The following MS4A3 variants were observed in gnomAD, a reference collection of about 807,000 sequenced individuals.
The protein encoded by MS4A3 is membrane spanning 4-domains A3.
A neutral mutation model predicts 24.7 loss-of-function variants in MS4A3; 18 were observed. The observed-to-expected ratio is 0.73, with a 90% confidence interval of 0.50 to 1.08. MS4A3 has a LOEUF of 1.08. Ranked by LOEUF, MS4A3 falls within the 50% of genes least tolerant of loss-of-function variation. The pLI, the probability that MS4A3 is intolerant of heterozygous loss-of-function variation, is 0.00. For synonymous variants in MS4A3, 84 were observed against 95.3 expected (o/e 0.88, Z 0.69); for missense variants, 282 against 251.7 (o/e 1.12, Z -0.82).
chr11:60,061,591 G>A (rs773932996), intron 2 of MS4A3: 32 of 446,872 alleles, frequency 7.2e-5, no homozygotes, highest in Middle Eastern at 3.7e-4. Flanking sequence ...TTTCCTTAAC[G>A]TTTTTAGTTT....
chr11:60,067,360 G>A (rs537417844), intron 5 of MS4A3, among the ~76,000 whole-genome samples: 29 of 151,928 alleles, frequency 1.9e-4, no homozygotes, highest in African/African-American at 7.0e-4. Flanking sequence ...ACTACAGGCG[G>A]CCACCACCAT....
chr11:60,066,929 G>GA (rs774894742), intron 4 of MS4A3, 22 bp from the exon 5 acceptor site: 39 of 1,556,002 alleles, frequency 2.5e-5, no homozygotes, highest in Non-Finnish European at 3.2e-5. Context: ...TATATTAATT[G>GA]AAAATTCTTA....
chr11:60,064,188 T>A (rs1305167500), intron 3 of MS4A3, 74 bp from the exon 4 acceptor site: 2 of 1,126,804 alleles, frequency 1.8e-6, no homozygotes, highest in Non-Finnish European at 1.3e-6. Flanking sequence ...TATCTGCTAA[T>A]TGAGGGAGGA....
intron 4 of MS4A3, among the ~76,000 whole-genome samples, chr11:60,064,603 G>A (rs1855330221): frequency 6.6e-6 from 1 of 152,102 alleles, no homozygotes; most frequent in East Asian, 1.9e-4. Flanking sequence ...TTATTTGGAA[G>A]TAAGAACTCC....
At chr11:60,067,637 GT>G (rs1855387391) in intron 5 of MS4A3, among the ~76,000 whole-genome samples, 1 of 152,178 alleles carries the variant, frequency 6.6e-6, no homozygotes, top group Admixed American at 6.5e-5. Context: ...TAGGATTTAT[GT>G]GAGTATTTAA....
chr11:60,070,569 T>G lies in MS4A3; in HGVS notation c.*336T>G, dbSNP rs956358043. 1 of 229,030 alleles carries G rather than the reference T, an allele frequency of 4.4e-6. No homozygotes were observed. The highest frequency in any genetic ancestry group is 8.3e-6 in the Non-Finnish European group (1 of 119,918). The allele number at this position is 229,030 out of a possible 1,614,324, so 14.2% of individuals were successfully genotyped here. A position where few individuals can be genotyped will look rare whatever the true frequency, so the allele number is the denominator to read the frequency against. ...ACCTACTCCATTGCTTTATGAGGTT[T>G]AAGGAAGGAAGGCGGTATAATCCCT... is the stretch of plus-strand genomic sequence containing the variant. On this transcript the variant is annotated 3_prime_UTR_variant, in exon 7 of 7. Coordinates refer to ENST00000278865, the MANE Select transcript of MS4A3 (RefSeq NM_006138.5).
rs1326371869 is a variant in MS4A3, at chr11:60,070,327, C to T, written c.*94C>T. The T allele has an allele frequency of 9.7e-7, 1 of 1,033,662 alleles. No individual in the cohort carries two copies. The highest frequency in any genetic ancestry group is 1.5e-6 in the Non-Finnish European group (1 of 674,812). 64.0% of individuals were successfully genotyped at this position (1,033,662 alleles called of 1,614,324 possible). ...ACCCACAAACTCAGGAGAACATAAG[C>T]CTGCTCGTAAAGCTCAATCCTTCTA... is the stretch of plus-strand genomic sequence containing the variant. On this transcript the variant is annotated 3_prime_UTR_variant, in exon 7 of 7. Transcript: ENST00000278865.
At chr11:60,067,251 C>T (rs375420369) in intron 5 of MS4A3, 139 bp downstream of exon 5, 13 of 728,288 alleles carry the variant, frequency 1.8e-5, no homozygotes, top group Middle Eastern at 4.3e-4. Context: ...CTCGCTCTGT[C>T]GCCCAGGCTG....
At chr11:60,063,320 T>C (rs146011636) in intron 3 of MS4A3, among the ~76,000 whole-genome samples, 7 of 152,318 alleles carry the variant, frequency 4.6e-5, no homozygotes, top group Non-Finnish European at 8.8e-5. Flanking sequence ...ATCATTTCCA[T>C]TATCTGGGTC....
chr11:60,058,594 G>T (rs982111063), intron 1 of MS4A3, among the ~76,000 whole-genome samples: 3 of 141,838 alleles, frequency 2.1e-5, no homozygotes, highest in Admixed American at 7.3e-5. Flanking sequence ...GAGGGGACTT[G>T]TCTTTCAGGA....
intron 2 of MS4A3, 52 bp from the exon 3 acceptor site, chr11:60,062,416 G>A (rs1332735959): frequency 7.5e-6 from 12 of 1,602,294 alleles, no homozygotes; most frequent in Non-Finnish European, 1.0e-5. Context: ...CCTGTTTTCA[G>A]TGTCCACTTT....
intron 1 of MS4A3, among the ~76,000 whole-genome samples, chr11:60,057,416 TGA>T (rs967082554): frequency 1.0e-4 from 13 of 129,542 alleles, no homozygotes; most frequent in East Asian, 7.3e-4. Context: ...TGTGTGTGTG[TGA>T]GAGAGAGACA....
chr11:60,062,208 C>T (rs577717089), intron 2 of MS4A3, among the ~76,000 whole-genome samples: 54 of 152,194 alleles, frequency 3.5e-4, no homozygotes, highest in Non-Finnish European at 2.8e-4. Flanking sequence ...TTTTACTGTC[C>T]TGCCACTTTC....
chr11:60,065,102 G>A (rs924061932), intron 4 of MS4A3, among the ~76,000 whole-genome samples: 2 of 152,116 alleles, frequency 1.3e-5, no homozygotes, highest in Admixed American at 6.5e-5. Flanking sequence ...GCAGTGGTGT[G>A]GTCACAGCTC....
At chr11:60,059,441 G>A (rs957231439) in intron 1 of MS4A3, among the ~76,000 whole-genome samples, 8 of 152,064 alleles carry the variant, frequency 5.3e-5, no homozygotes, top group South Asian at 4.1e-4. Flanking sequence ...GTACAGGTTC[G>A]TTATATAGGT....
At chr11:60,062,752 A>G in intron 3 of MS4A3, 147 bp downstream of exon 3, 2 of 602,472 alleles carry the variant, frequency 3.3e-6, no homozygotes, top group Non-Finnish European at 5.2e-6. Context: ...ACAATTAGAG[A>G]CGATAAACTC....
At chr11:60,059,002 AT>A (rs1331162899) in intron 1 of MS4A3, among the ~76,000 whole-genome samples, 3 of 152,178 alleles carry the variant, frequency 2.0e-5, no homozygotes, top group Non-Finnish European at 4.4e-5. Flanking sequence ...GTCATTTCAC[AT>A]TTATCCATAC....
intron 6 of MS4A3, 85 bp from the exon 7 acceptor site, chr11:60,070,116 TTGA>T: frequency 8.7e-7 from 1 of 1,150,502 alleles, no homozygotes; most frequent in Non-Finnish European, 1.3e-6. Flanking sequence ...GATTTTATTG[TTGA>T]TGATTATGAT....
At chr11:60,058,772 T>C (rs1855217910) in intron 1 of MS4A3, among the ~76,000 whole-genome samples, 1 of 152,146 alleles carries the variant, frequency 6.6e-6, no homozygotes, top group Non-Finnish European at 1.5e-5. Context: ...ACATTCTCCG[T>C]ATTGCATGCA....
Sources: allele counts gnomAD v4.1 joint callset (sites outside exome capture counted in the v4.1 genomes callset), GRCh38; gene constraint gnomAD v4.1.1; transcripts MANE v1.5; gene names NCBI Gene and HGNC (gene_info 2026-07-23, HGNC 2026-07-21).